Variants in PTPN14 observed in about 807,000 individuals in gnomAD.
PTPN14 encodes the protein protein tyrosine phosphatase non-receptor type 14.
In PTPN14, 53 loss-of-function variants were observed where a neutral mutation model predicts 126.8. The ratio of observed to expected loss-of-function variants is 0.42; its 90% CI spans 0.34 to 0.53. The LOEUF (loss-of-function observed/expected upper bound fraction) is 0.53, where lower values mean the gene tolerates loss of function less well. PTPN14 is among the 20% of genes least tolerant of loss of function. PTPN14 has a pLI of 0.08. For synonymous variants in PTPN14, 630 were observed against 599.3 expected (o/e 1.05, Z -0.75); for missense variants, 1,257 against 1,552.9 (o/e 0.81, Z 3.20).
intron 3 of PTPN14, among the ~76,000 whole-genome samples, chr1:214,418,926 A>AGAGT (rs1296745344): frequency 6.6e-6 from 1 of 152,236 alleles, no homozygotes; most frequent in African/African-American, 2.4e-5. Flanking sequence ...TCTACAGACC[A>AGAGT]GAGTTTCTGA....
At chr1:214,488,629 C>T (rs1177711884) in intron 1 of PTPN14, among the ~76,000 whole-genome samples, 1 of 152,200 alleles carries the variant, frequency 6.6e-6, no homozygotes, top group Non-Finnish European at 1.5e-5. Context: ...CCCATTTTCA[C>T]TGAGCAACTG....
chr1:214,401,751 A>G lies in PTPN14; in HGVS notation c.603T>C (p.Ala201=). The change falls in exon 7 of 19, where the codon GCT becomes GCC. Residue 201 remains alanine, a synonymous_variant. Coordinates refer to ENST00000366956, the MANE Select transcript of PTPN14 (RefSeq NM_005401.5). ...CAACTTCATTGATGTACATCAGTTC[A>G]GCTTCTGCTGGCAGGATTCCACTAA... is the stretch of plus-strand genomic sequence containing the variant. ...KAHSGILPAE[A]ELMYINEVER... 1 of 1,591,352 alleles carries G rather than the reference A, an allele frequency of 6.3e-7. No individual in the cohort carries two copies. Among genetic ancestry groups the G allele is most frequent in the Non-Finnish European group, 8.6e-7 (1 of 1,161,378 alleles).
In PTPN14 at chr1:214,356,277, G is replaced by C. The variant is rs1279724683; in HGVS notation, c.*1645C>G. The C allele has an allele frequency of 6.6e-6, 1 of 152,062 alleles. No individual in the cohort carries two copies. The highest frequency in any genetic ancestry group is 1.5e-5 in the Non-Finnish European group (1 of 68,060). The allele number at this position is 152,062 out of a possible 1,614,324, so 9.4% of individuals were successfully genotyped here. A position where few individuals can be genotyped will look rare whatever the true frequency, so the allele number is the denominator to read the frequency against. ...CCTGGCTGACTACAGTTTTTTAATT[G>C]CACGTTTGTTCTTTGAACTGACCAC... is the stretch of plus-strand genomic sequence containing the variant. On this transcript the variant is annotated 3_prime_UTR_variant, in exon 19 of 19. Transcript: ENST00000366956.
At chr1:214,410,849 A>G (rs560720118) in intron 5 of PTPN14, among the ~76,000 whole-genome samples, 4 of 152,192 alleles carry the variant, frequency 2.6e-5, no homozygotes, top group Non-Finnish European at 4.4e-5. Context: ...TGTTTTAATT[A>G]CTATAGCTTT....
chr1:214,478,000 G>A (rs896820418), intron 1 of PTPN14, among the ~76,000 whole-genome samples: 8 of 152,060 alleles, frequency 5.3e-5, no homozygotes, highest in Admixed American at 1.3e-4. Flanking sequence ...AAATACATGC[G>A]TACTTCTTCT....
intron 1 of PTPN14, among the ~76,000 whole-genome samples, chr1:214,546,375 G>A (rs1297579659): frequency 1.3e-5 from 2 of 152,196 alleles, no homozygotes; most frequent in Non-Finnish European, 2.9e-5. Context: ...TTAACCCCCA[G>A]AGGTGAATTT....
chr1:214,481,511 C>CAAAA (rs371949252), intron 1 of PTPN14, among the ~76,000 whole-genome samples: 2,476 of 66,386 alleles, frequency 0.037, 119 homozygotes, highest in African/African-American at 0.045. Context: ...AACTCCCGCT[C>CAAAA]AAAAAAAAAA....
intron 1 of PTPN14, among the ~76,000 whole-genome samples, chr1:214,535,379 G>GTTA (rs1195353318): frequency 6.6e-6 from 1 of 152,144 alleles, no homozygotes; most frequent in Admixed American, 6.5e-5. Context: ...TAGTGCAAAG[G>GTTA]TTATTATTCA....
intron 1 of PTPN14, among the ~76,000 whole-genome samples, chr1:214,540,110 AT>A (rs1655800470): frequency 6.6e-6 from 1 of 152,226 alleles, no homozygotes; most frequent in South Asian, 2.1e-4. Context: ...AAAAGAATAT[AT>A]ATGATCTTTT....
At position 214,391,025 on chromosome 1, in the gene PTPN14, G is replaced by A; in HGVS notation, c.950C>T (p.Pro317Leu). Residue 317 changes from proline (P) to leucine (L), a missense_variant, in exon 11 of 19, where the codon CCC (proline) becomes CTC (leucine). Around this residue, in one of 3 missense-constraint regions of PTPN14, gnomAD observed 1,021 missense variants for 1,183.3 expected, o/e 0.86. Coordinates refer to ENST00000366956, the MANE Select transcript of PTPN14 (RefSeq NM_005401.5). ...GCTCCAGGTGGGCTGGCGTCTGATG[G>A]GGGGTGGAGAATTTGACTGTCTACA... ...ICTEQSNSPP[P>L]IRRQPTWSRS... 2 of 1,587,116 alleles carry A rather than the reference G, an allele frequency of 1.3e-6. No homozygotes were observed. The highest frequency in any genetic ancestry group is 1.7e-6 in the Non-Finnish European group (2 of 1,161,784).
chr1:214,450,133 A>AAAATAAATAAATAAATAAATAAAT (rs57585964), intron 3 of PTPN14, among the ~76,000 whole-genome samples: 11 of 140,552 alleles, frequency 7.8e-5, no homozygotes, highest in East Asian at 2.1e-4. Flanking sequence ...ACTCTATCTC[A>AAAATAAATAAATAAATAAATAAAT]AAATAAATAA....
Position 214,461,999 on chromosome 1 carries a change from C to T in PTPN14, c.174+2631G>A, listed in dbSNP as rs182231272. On this transcript the variant is annotated intron_variant, in intron 2 of 18. Transcript: ENST00000366956. ...CATTCTTCTTTAAGGTGTGTGTGTG[C>T]AAAAGAAGAACAAAGTATCAGATTA... 1.5e-3 allele frequency among the ~76,000 whole-genome samples: 223 copies of T among 152,092 alleles called. 1 individual carries two copies. Among genetic ancestry groups the T allele is most frequent in the African/African-American group, 5.2e-3 (215 of 41,464 alleles).
intron 1 of PTPN14, chr1:214,533,150 G>A (rs1450475125): frequency 9.3e-6 from 7 of 753,746 alleles, no homozygotes; most frequent in Non-Finnish European, 1.4e-5. Flanking sequence ...AACAGCCTGA[G>A]GGAGGTGGAG....
intron 1 of PTPN14, among the ~76,000 whole-genome samples, chr1:214,465,450 A>AAATAAAT (rs1291741263): frequency 6.6e-6 from 1 of 151,578 alleles, no homozygotes; most frequent in Non-Finnish European, 1.5e-5. Flanking sequence ...TCTCTACAAA[A>AAATAAAT]AAATAAATAA....
intron 16 of PTPN14, among the ~76,000 whole-genome samples, chr1:214,369,934 T>G (rs1260042934): frequency 6.6e-6 from 1 of 152,180 alleles, no homozygotes; most frequent in East Asian, 1.9e-4. Context: ...AGTAGAATGT[T>G]AGAGAGAAGT....
At chr1:214,520,065 A>AAAAAAATATATATATATATAT in intron 1 of PTPN14, among the ~76,000 whole-genome samples, 3 of 71,142 alleles carry the variant, frequency 4.2e-5, no homozygotes, top group Non-Finnish European at 4.8e-5. Flanking sequence ...AAAAAAAAAA[A>AAAAAAATATATATATATATAT]ATATATATAT....
At chr1:214,449,107 T>C (rs72626530) in intron 3 of PTPN14, among the ~76,000 whole-genome samples, 1 of 144,632 alleles carries the variant, frequency 6.9e-6, no homozygotes, top group Admixed American at 7.3e-5. Context: ...CTTGGGTTCA[T>C]GCCATTCTCC....
At chr1:214,390,585 T>C (rs1381057501) in intron 11 of PTPN14, among the ~76,000 whole-genome samples, 1 of 152,162 alleles carries the variant, frequency 6.6e-6, no homozygotes, top group Non-Finnish European at 1.5e-5. Context: ...TAGAAGGCAT[T>C]TTCTCACTAG....
intron 1 of PTPN14, among the ~76,000 whole-genome samples, chr1:214,548,361 A>G (rs1656023646): frequency 6.6e-6 from 1 of 152,222 alleles, no homozygotes; most frequent in African/African-American, 2.4e-5. Context: ...GGAAGCGTAA[A>G]TTAAATCAAT....
Sources: gnomAD v4.1 joint callset for allele counts (sites outside exome capture counted in the v4.1 genomes callset) on GRCh38, gnomAD v4.1.1 for gene constraint, gnomAD v4.1.1 regional missense constraint, MANE v1.5 for transcripts, NCBI Gene and HGNC (gene_info 2026-07-23, HGNC 2026-07-21) for gene names.